Variants in ZEB1 observed in about 807,000 individuals in gnomAD.
ZEB1 encodes zinc finger E-box-binding homeobox 1.
In ZEB1, 21 loss-of-function variants were observed where a neutral mutation model predicts 84.9. That is an observed-to-expected ratio of 0.25 (90% CI 0.18 to 0.36). The LOEUF is 0.36. Ranked by LOEUF, ZEB1 falls within the 10% of genes least tolerant of loss-of-function variation. The probability of loss-of-function intolerance (pLI) is 1.00; values close to 1 mark genes in which losing one functional copy is unlikely to be tolerated. For synonymous variants in ZEB1, 420 were observed against 471.1 expected (o/e 0.89, Z 1.41); for missense variants, 1,104 against 1,330.2 (o/e 0.83, Z 2.65).
chr10:31,434,424 C>T (rs902823212), intron 1 of ZEB1, among the ~76,000 whole-genome samples: 1 of 152,084 alleles, frequency 6.6e-6, no homozygotes, highest in African/African-American at 2.4e-5. Flanking sequence ...GTATAAAATA[C>T]GAAGCTGAGA....
chr10:31,452,401 G>A (rs996721367), intron 1 of ZEB1, among the ~76,000 whole-genome samples: 7 of 152,000 alleles, frequency 4.6e-5, no homozygotes, highest in African/African-American at 1.7e-4. Flanking sequence ...AAAATTTACA[G>A]TAAATGCTTA....
At chr10:31,387,299 GC>G (rs1244369658) in intron 1 of ZEB1, 5 of 985,528 alleles carry the variant, frequency 5.1e-6, no homozygotes, top group Non-Finnish European at 6.0e-6. Flanking sequence ...ACACTCGTGG[GC>G]CCAGGCTCCT....
chr10:31,501,565 A>G (rs1017500785), intron 3 of ZEB1, among the ~76,000 whole-genome samples: 1 of 152,276 alleles, frequency 6.6e-6, no homozygotes, highest in South Asian at 2.1e-4. Flanking sequence ...AAATCATATA[A>G]CTGAACTGAA....
intron 4 of ZEB1, among the ~76,000 whole-genome samples, chr10:31,506,129 C>G (rs1222796192): frequency 6.6e-6 from 1 of 151,866 alleles, no homozygotes; most frequent in Admixed American, 6.6e-5. Flanking sequence ...GGTCTAAAAG[C>G]TACTTGATAT....
intron 1 of ZEB1, among the ~76,000 whole-genome samples, chr10:31,435,837 G>A (rs2058234720): frequency 6.6e-6 from 1 of 152,178 alleles, no homozygotes; most frequent in African/African-American, 2.4e-5. Flanking sequence ...GATCACCCCG[G>A]CTGCTGTGTG....
At chr10:31,387,821 A>G (rs2048898069) in intron 1 of ZEB1, 1 of 934,896 alleles carries the variant, frequency 1.1e-6, no homozygotes, top group Non-Finnish European at 1.3e-6. Context: ...AAAATTTTTT[A>G]TGTCAGATCT....
Position 31,521,485 on chromosome 10 carries a change from A to G in ZEB1, c.2153A>G (p.Gln718Arg). ...PLNLSSSRNTQGYLYTAEGAQ... is the reference protein window; with the variant it reads ...PLNLSSSRNTRGYLYTAEGAQ... ...AACCTTTCCTCATCCAGAAATACACAGGGTTACTTGTACACAGCTGAGGGT... is the reference window on the plus strand; with the variant it reads ...AACCTTTCCTCATCCAGAAATACACGGGGTTACTTGTACACAGCTGAGGGT... The change falls in exon 7 of 9, where the codon CAG (glutamine) becomes CGG (arginine). Residue 718 changes from glutamine (Q) to arginine (R), a missense_variant. Transcript: ENST00000424869. The G allele has an allele frequency of 6.2e-7, 1 of 1,614,112 alleles. No individual in the cohort carries two copies. Among genetic ancestry groups the G allele is most frequent in the Non-Finnish European group, 8.5e-7 (1 of 1,180,020 alleles).
At chr10:31,395,104 G>A (rs955988256) in intron 1 of ZEB1, among the ~76,000 whole-genome samples, 8 of 152,202 alleles carry the variant, frequency 5.3e-5, no homozygotes, top group Non-Finnish European at 1.2e-4. Context: ...TAAGGCATCT[G>A]TGAAACATTG....
chr10:31,363,622 G>C, intron 1 of ZEB1: 1 of 1,505,080 alleles, frequency 6.6e-7, no homozygotes, highest in Non-Finnish European at 8.9e-7. Context: ...GAGCCTGGCT[G>C]GGATCACCTG....
intron 1 of ZEB1, among the ~76,000 whole-genome samples, chr10:31,428,206 A>G (rs2057235648): frequency 1.3e-5 from 2 of 152,200 alleles, no homozygotes; most frequent in South Asian, 4.1e-4. Flanking sequence ...ATTTGGTGCT[A>G]TAAATCTCCC....
chr10:31,509,708 T>A (rs896361971), intron 4 of ZEB1, among the ~76,000 whole-genome samples: 1 of 152,228 alleles, frequency 6.6e-6, no homozygotes, highest in Non-Finnish European at 1.5e-5. Flanking sequence ...TATGAAATTA[T>A]CTGTGGTGGT....
chr10:31,450,983 C>A (rs916410421), intron 1 of ZEB1, among the ~76,000 whole-genome samples: 12 of 151,994 alleles, frequency 7.9e-5, no homozygotes, highest in African/African-American at 2.9e-4. Context: ...TCCTAGAATT[C>A]AGACTTTTCA....
At chr10:31,339,712 G>A (rs1359443703) in intron 1 of ZEB1, among the ~76,000 whole-genome samples, 4 of 151,552 alleles carry the variant, frequency 2.6e-5, no homozygotes, top group Non-Finnish European at 2.9e-5. Context: ...AGAGGTTGCA[G>A]TGAACTGAGA....
chr10:31,431,202 A>G (rs892143351), intron 1 of ZEB1, among the ~76,000 whole-genome samples: 1 of 152,212 alleles, frequency 6.6e-6, no homozygotes, highest in Admixed American at 6.5e-5. Context: ...TTCCAGGTAC[A>G]TATCTTTGTT....
intron 1 of ZEB1, among the ~76,000 whole-genome samples, chr10:31,357,550 C>T (rs1216433408): frequency 6.6e-6 from 1 of 152,088 alleles, no homozygotes; most frequent in Non-Finnish European, 1.5e-5. Flanking sequence ...GATTGAATAA[C>T]TCTGCTCCCA....
chr10:31,520,829 C>G lies in ZEB1; in HGVS notation c.1497C>G (p.Val499=). The change falls in exon 7 of 9, where the codon GTC becomes GTG. Residue 499 remains valine, a synonymous_variant. Transcript: ENST00000424869. This position sits in a 1 kb window ranked among gnomAD's most constrained non-coding sequence, Gnocchi z 5.1. ...AAAATTTAAAAAAAGAAAATCCAGT[C>G]GCTACAAACAGTTGTAAAAGTGAAA... The part of the protein sequence containing the change: ...VPQNLKKENP[V]ATNSCKSEKL... 6.2e-7 allele frequency: 1 copy of G among 1,613,990 alleles called. No homozygotes were observed.
chr10:31,367,144 G>A (rs2044677772), intron 1 of ZEB1, among the ~76,000 whole-genome samples: 1 of 152,172 alleles, frequency 6.6e-6, no homozygotes, highest in African/African-American at 2.4e-5. Context: ...GATAAGTTGT[G>A]TGTATTTTAG....
chr10:31,392,212 A>C (rs1451437488), intron 1 of ZEB1, among the ~76,000 whole-genome samples: 2 of 152,184 alleles, frequency 1.3e-5, no homozygotes, highest in Admixed American at 1.3e-4. Context: ...GCTATGTGAT[A>C]AGTTCTTGAA....
chr10:31,318,988 T>G, upstream of ZEB1: 1 of 552,334 alleles, frequency 1.8e-6, no homozygotes, highest in Non-Finnish European at 3.3e-6. Flanking sequence ...TGAGGAAAAC[T>G]TTTCCCTCGC....
Sources: gnomAD v4.1 joint callset for allele counts (sites outside exome capture counted in the v4.1 genomes callset) on GRCh38, gnomAD v4.1.1 for gene constraint, Gnocchi (gnomAD v3.1) non-coding constraint, MANE v1.5 for transcripts, NCBI Gene and HGNC (gene_info 2026-07-23, HGNC 2026-07-21) for gene names.